The following VPS53 variants were observed in gnomAD, a reference collection of about 807,000 sequenced individuals.
The protein encoded by VPS53 is vacuolar protein sorting-associated protein 53 homolog.
In VPS53, 70 loss-of-function variants were observed where a neutral mutation model predicts 107.0. That is an observed-to-expected ratio of 0.65 (90% CI 0.54 to 0.80). The LOEUF (loss-of-function observed/expected upper bound fraction) is 0.80. Among genes scored for constraint, VPS53 ranks in the 30% least tolerant of loss-of-function variants. The pLI, the probability that VPS53 is intolerant of heterozygous loss-of-function variation, is 0.00. For synonymous variants in VPS53, 409 were observed against 393.3 expected (o/e 1.04, Z -0.47); for missense variants, 917 against 1,049.4 (o/e 0.87, Z 1.74).
chr17:626,377 G>T lies in VPS53; in HGVS notation c.974+797C>A, dbSNP rs937925375. Among the ~76,000 whole-genome samples the T allele has an allele frequency of 1.3e-4, 20 of 152,170 alleles. 1 individual carries two copies. Among genetic ancestry groups the T allele is most frequent in the Admixed American group, 7.9e-4 (12 of 15,266 alleles). ...AGACGGTCTTTAAAATGCTTGGAAA[G>T]CTCAGACGCAGGCCAGGTGCAGTGG... On this transcript the variant is annotated intron_variant, in intron 10 of 21. Coordinates refer to ENST00000437048, the MANE Select transcript of VPS53 (RefSeq NM_001128159.3).
At chr17:562,803 T>C in intron 13 of VPS53, 58 bp from the exon 14 acceptor site, 1 of 1,563,128 alleles carries the variant, frequency 6.4e-7, no homozygotes, top group Non-Finnish European at 8.7e-7. Flanking sequence ...GTAAAGCAAA[T>C]GTGCTCGTTT....
chr17:712,069 G>A (rs985996573), intron 1 of VPS53, among the ~76,000 whole-genome samples: 1 of 151,812 alleles, frequency 6.6e-6, no homozygotes, highest in African/African-American at 2.4e-5. Flanking sequence ...ACCCGCCTCG[G>A]CCTCCCAAAG....
chr17:714,220 C>G (rs897568972), intron 1 of VPS53: 6 of 198,716 alleles, frequency 3.0e-5, no homozygotes, highest in African/African-American at 1.2e-4. Context: ...AAAGTCATTC[C>G]CTTCCCCCAG....
At chr17:656,606 G>A (rs1158839696) in intron 5 of VPS53, among the ~76,000 whole-genome samples, 1 of 152,080 alleles carries the variant, frequency 6.6e-6, no homozygotes, top group Admixed American at 6.6e-5. Flanking sequence ...CACCAGAAAA[G>A]CATATTCAAT....
At position 695,714 on chromosome 17, in the gene VPS53, A is replaced by G. The variant is rs114420625; in HGVS notation, c.285+1704T>C. Among the ~76,000 whole-genome samples the G allele has an allele frequency of 4.9e-3, 738 of 152,042 alleles. 6 individuals carry two copies. Among genetic ancestry groups the G allele is most frequent in the African/African-American group, 0.017 (705 of 41,444 alleles). The stretch of plus-strand genomic sequence containing the variant: ...ACAGGCACAGGCCACCACCATGCCC[A>G]GCTAATTTTGTACTTTTTGAAGATG... On this transcript the variant is annotated intron_variant, in intron 4 of 21. Transcript: ENST00000437048.
rs368888332 is a variant in VPS53 at position 637,768 on chromosome 17, T to C, written c.609-6140A>G. Among the ~76,000 whole-genome samples, 147 of 152,354 alleles carry C rather than the reference T, an allele frequency of 9.6e-4. 1 individual carries two copies. Among genetic ancestry groups the C allele is most frequent in the South Asian group, 6.8e-3 (33 of 4,826 alleles). On this transcript the variant is annotated intron_variant, in intron 7 of 21. Transcript: ENST00000437048. ...ACCCTGAGCTCTAGTTTGATTGCACTGTGGTCTGAGAGACAGTTCGTTATA... is the reference window on the plus strand; with the variant it reads ...ACCCTGAGCTCTAGTTTGATTGCACCGTGGTCTGAGAGACAGTTCGTTATA...
At chr17:697,512 A>G in intron 3 of VPS53, 28 bp from the exon 4 acceptor site, 1 of 1,562,246 alleles carries the variant, frequency 6.4e-7, no homozygotes, top group Non-Finnish European at 8.8e-7. Context: ...GGATACAGTC[A>G]TTCAAATAAT....
At chr17:606,127 C>T (rs1200591621) in intron 11 of VPS53, among the ~76,000 whole-genome samples, 24 of 151,952 alleles carry the variant, frequency 1.6e-4, no homozygotes, top group Admixed American at 1.3e-3. Context: ...AAGTGTCCAT[C>T]GGATTTGGGG....
At chr17:552,836 T>C (rs1911969636) in intron 16 of VPS53, 1 of 381,812 alleles carries the variant, frequency 2.6e-6, no homozygotes, top group South Asian at 6.3e-5. Flanking sequence ...CCTCTTAGGT[T>C]CTGTAGTGAC....
At chr17:585,176 A>C (rs1967247121) in intron 13 of VPS53, among the ~76,000 whole-genome samples, 1 of 152,258 alleles carries the variant, frequency 6.6e-6, no homozygotes, top group Admixed American at 6.5e-5. Context: ...TAAAGCAAGT[A>C]ATCGAAGTCC....
intron 2 of VPS53, among the ~76,000 whole-genome samples, chr17:700,494 T>C (rs760701079): frequency 4.0e-4 from 61 of 152,094 alleles, no homozygotes; most frequent in Non-Finnish European, 6.3e-4. Context: ...GAGGTTGCAG[T>C]GAGCTGAGAA....
intron 4 of VPS53, among the ~76,000 whole-genome samples, chr17:677,362 G>T (rs981437988): frequency 2.0e-5 from 3 of 152,210 alleles, no homozygotes; most frequent in African/African-American, 7.2e-5. Context: ...GTCAAATATT[G>T]TAGAATTCCA....
intron 20 of VPS53, among the ~76,000 whole-genome samples, 163 bp downstream of exon 20, chr17:521,438 A>G (rs541114158): frequency 6.6e-5 from 10 of 152,194 alleles, no homozygotes; most frequent in Non-Finnish European, 1.5e-4. Context: ...CTATCCACAG[A>G]CTTTCAACAA....
At chr17:668,951 A>G (rs1242451102) in intron 4 of VPS53, among the ~76,000 whole-genome samples, 1 of 152,154 alleles carries the variant, frequency 6.6e-6, no homozygotes, top group Non-Finnish European at 1.5e-5. Flanking sequence ...AGTCTCCAAG[A>G]TAGATAAACT....
At chr17:594,966 A>G (rs75943106) in intron 12 of VPS53, among the ~76,000 whole-genome samples, 24,151 of 25,106 alleles carry the variant, frequency 0.96, 11,714 homozygotes, top group South Asian at 0.99. Flanking sequence ...CTAGTGCCCC[A>G]CCCTGGAGGA....
chr17:668,416 T>C lies in VPS53; in HGVS notation c.286-6521A>G, dbSNP rs187631904. On this transcript the variant is annotated intron_variant, in intron 4 of 21. Transcript: ENST00000437048. ...CTCTGAATAAGTGCGCTCATAACCATTCCTCTAACTTCAGGCCCAACCATG... is the reference window on the plus strand; with the variant it reads ...CTCTGAATAAGTGCGCTCATAACCACTCCTCTAACTTCAGGCCCAACCATG... Among the ~76,000 whole-genome samples, 238 of 152,318 alleles carry C rather than the reference T, an allele frequency of 1.6e-3. 1 individual carries two copies. Among genetic ancestry groups the C allele is most frequent in the African/African-American group, 5.5e-3 (229 of 41,578 alleles).
chr17:627,370 G>C (rs1969759214), intron 9 of VPS53, 54 bp from the exon 10 acceptor site: 1 of 1,558,254 alleles, frequency 6.4e-7, no homozygotes. Context: ...AGAAATGGCA[G>C]TTCAAGGAAA....
chr17:631,422 C>T (rs904597646), intron 8 of VPS53, 128 bp downstream of exon 8: 27 of 972,980 alleles, frequency 2.8e-5, no homozygotes, highest in Non-Finnish European at 4.2e-5. Flanking sequence ...TACCCTGAAC[C>T]TGCAGCAGAA....
chr17:693,399 G>T (rs954546221), intron 4 of VPS53, among the ~76,000 whole-genome samples: 3 of 152,088 alleles, frequency 2.0e-5, no homozygotes, highest in African/African-American at 7.2e-5. Flanking sequence ...CATCCACTGG[G>T]GGTCTTGGAA....
Sources: gnomAD v4.1 joint callset for allele counts (sites outside exome capture counted in the v4.1 genomes callset) on GRCh38, gnomAD v4.1.1 for gene constraint, MANE v1.5 for transcripts, NCBI Gene and HGNC (gene_info 2026-07-23, HGNC 2026-07-21) for gene names.